ENAH: variants seen among roughly 807,000 people sequenced by gnomAD.
ENAH encodes the protein protein enabled homolog.
ENAH carries 23 observed loss-of-function variants against 78.7 expected under a neutral mutation model. That is an observed-to-expected ratio of 0.29 (90% CI 0.21 to 0.41). The LOEUF is 0.41. ENAH is among the 10% of genes least tolerant of loss of function. The probability of loss-of-function intolerance (pLI) is 1.00; values close to 1 mark genes in which losing one functional copy is unlikely to be tolerated. For missense variants in ENAH, 544 were observed against 691.0 expected, an observed-to-expected ratio of 0.79 and a Z score of 2.39; for synonymous variants, 226 against 241.0, an observed-to-expected ratio of 0.94 and a Z score of 0.58.
At chr1:225,610,440 A>T (rs1182505368) in intron 1 of ENAH, among the ~76,000 whole-genome samples, 1 of 152,142 alleles carries the variant, frequency 6.6e-6, no homozygotes, top group Non-Finnish European at 1.5e-5. Flanking sequence ...TAATTACTAT[A>T]AAAATATTGG....
intron 4 of ENAH, among the ~76,000 whole-genome samples, chr1:225,522,186 C>G (rs530584255): frequency 6.6e-6 from 1 of 152,320 alleles, no homozygotes; most frequent in South Asian, 2.1e-4. Context: ...AGCTAAATGA[C>G]AGCACATGCA....
intron 3 of ENAH, among the ~76,000 whole-genome samples, chr1:225,551,839 T>C (rs527634167): frequency 3.9e-5 from 6 of 152,354 alleles, no homozygotes; most frequent in South Asian, 2.1e-4. Flanking sequence ...AAGTTTGTTC[T>C]GCTTCTCATC....
At chr1:225,638,435 A>G (rs73125707) in intron 1 of ENAH, among the ~76,000 whole-genome samples, 19,359 of 152,190 alleles carry the variant, frequency 0.13, 2,177 homozygotes, top group African/African-American at 0.3. Context: ...CTGGGATTAT[A>G]GGCATGAGCC....
chr1:225,597,153 G>T (rs1026941920), intron 1 of ENAH, among the ~76,000 whole-genome samples: 1 of 151,930 alleles, frequency 6.6e-6, no homozygotes, highest in African/African-American at 2.4e-5. Context: ...TTTCCATTCC[G>T]CCGTGAACCA....
intron 3 of ENAH, among the ~76,000 whole-genome samples, chr1:225,542,687 TTAAA>T (rs1243552769): frequency 5.9e-5 from 9 of 152,142 alleles, no homozygotes; most frequent in Non-Finnish European, 1.2e-4. Flanking sequence ...TACATAAAAA[TTAAA>T]TAAACTGGGT....
intron 1 of ENAH, among the ~76,000 whole-genome samples, chr1:225,623,142 G>A (rs933688358): frequency 7.2e-5 from 11 of 152,114 alleles, no homozygotes; most frequent in Non-Finnish European, 1.0e-4. Flanking sequence ...TTCTTACTAC[G>A]GATTTAAGAG....
chr1:225,625,699 A>G (rs945713276), intron 1 of ENAH, among the ~76,000 whole-genome samples: 7 of 152,044 alleles, frequency 4.6e-5, no homozygotes, highest in African/African-American at 1.7e-4. Flanking sequence ...GTATTTTTAG[A>G]GAGACAGGGT....
At chr1:225,534,230 T>C (rs1464644715) in intron 3 of ENAH, among the ~76,000 whole-genome samples, 1 of 151,852 alleles carries the variant, frequency 6.6e-6, no homozygotes, top group Non-Finnish European at 1.5e-5. Flanking sequence ...GGCAGAAAAA[T>C]GAGGAGAAAA....
At chr1:225,504,503 G>A (rs1181422297) in intron 11 of ENAH, among the ~76,000 whole-genome samples, 2 of 152,014 alleles carry the variant, frequency 1.3e-5, no homozygotes, top group African/African-American at 4.8e-5. Flanking sequence ...ATTAAAAAAT[G>A]GTATAATAGG....
chr1:225,520,832 G>C (rs1280889141), intron 4 of ENAH, among the ~76,000 whole-genome samples: 1 of 151,810 alleles, frequency 6.6e-6, no homozygotes, highest in East Asian at 1.9e-4. Flanking sequence ...CATCAGCCCA[G>C]GCAACAGAAT....
At chr1:225,610,805 T>A (rs1460615468) in intron 1 of ENAH, among the ~76,000 whole-genome samples, 1 of 152,184 alleles carries the variant, frequency 6.6e-6, no homozygotes, top group African/African-American at 2.4e-5. Context: ...TTGGCCCACA[T>A]ACACGCTCAA....
intron 3 of ENAH, among the ~76,000 whole-genome samples, chr1:225,541,226 A>C (rs559464267): frequency 6.6e-6 from 1 of 152,282 alleles, no homozygotes; most frequent in East Asian, 1.9e-4. Flanking sequence ...CGTGGTCAGG[A>C]GATCAAGACC....
At chr1:225,615,861 G>A (rs1332294370) in intron 1 of ENAH, among the ~76,000 whole-genome samples, 1 of 149,144 alleles carries the variant, frequency 6.7e-6, no homozygotes, top group African/African-American at 2.6e-5. Flanking sequence ...GGGCCATGAT[G>A]ACGATGGCGG....
At chr1:225,577,816 T>C (rs2096795546) in intron 1 of ENAH, among the ~76,000 whole-genome samples, 1 of 152,168 alleles carries the variant, frequency 6.6e-6, no homozygotes, top group Admixed American at 6.5e-5. Context: ...TTAAATACAA[T>C]AGTATGTAGA....
intron 11 of ENAH, among the ~76,000 whole-genome samples, chr1:225,507,338 TATAC>T (rs1305572252): frequency 6.6e-6 from 1 of 151,968 alleles, no homozygotes; most frequent in African/African-American, 2.4e-5. Context: ...AAATTATATA[TATAC>T]ATAAATATAT....
At chr1:225,507,423 C>T (rs1277654929) in intron 11 of ENAH, among the ~76,000 whole-genome samples, 1 of 151,780 alleles carries the variant, frequency 6.6e-6, no homozygotes, top group Non-Finnish European at 1.5e-5. Flanking sequence ...AATATTATTG[C>T]TTAATGTTAA....
At chr1:225,612,776 G>A (rs920447323) in intron 1 of ENAH, among the ~76,000 whole-genome samples, 5 of 150,994 alleles carry the variant, frequency 3.3e-5, no homozygotes, top group Non-Finnish European at 7.4e-5. Context: ...GCCTTCTGAG[G>A]ACCAACCGTA....
chr1:225,602,645 T>C (rs575416610), intron 1 of ENAH, among the ~76,000 whole-genome samples: 1 of 151,974 alleles, frequency 6.6e-6, no homozygotes, highest in East Asian at 1.9e-4. Flanking sequence ...CAAAAACGTA[T>C]AACAAATATA....
intron 3 of ENAH, among the ~76,000 whole-genome samples, chr1:225,536,897 A>G (rs1448942305): frequency 1.3e-5 from 2 of 152,118 alleles, no homozygotes; most frequent in Non-Finnish European, 2.9e-5. Flanking sequence ...CAGTAATGAC[A>G]TAAGATATAG....
Sources: gnomAD v4.1 joint callset for allele counts (sites outside exome capture counted in the v4.1 genomes callset) on GRCh38, gnomAD v4.1.1 for gene constraint, MANE v1.5 for transcripts, NCBI Gene and HGNC (gene_info 2026-07-23, HGNC 2026-07-21) for gene names.